Variants in KAZN observed in about 807,000 individuals in gnomAD.
KAZN encodes kazrin.
In KAZN, 40 loss-of-function variants were observed where a neutral mutation model predicts 87.4. The observed-to-expected ratio is 0.46, with a 90% CI of 0.36 to 0.60. The LOEUF is 0.60. Ranked by LOEUF, KAZN falls within the 20% of genes least tolerant of loss-of-function variation. The pLI is 0.00. For missense variants in KAZN, 898 were observed against 1,073.9 expected, an observed-to-expected ratio of 0.84 and a Z score of 2.29; for synonymous variants, 466 against 458.3, an observed-to-expected ratio of 1.02 and a Z score of -0.22.
At chr1:14,459,823 A>G (rs1307012896) in intron 2 of KAZN, among the ~76,000 whole-genome samples, 1 of 152,220 alleles carries the variant, frequency 6.6e-6, no homozygotes, top group Non-Finnish European at 1.5e-5. Flanking sequence ...TCACAATAGA[A>G]AGGAAGAAAG....
At chr1:15,042,021 C>G (rs898899706) in intron 3 of KAZN, among the ~76,000 whole-genome samples, 6 of 152,214 alleles carry the variant, frequency 3.9e-5, no homozygotes, top group African/African-American at 1.2e-4. Context: ...TGCTGCTGAG[C>G]CCAGCTCTCC....
At chr1:14,708,916 G>A (rs1478372898) in intron 1 of KAZN, among the ~76,000 whole-genome samples, 1 of 152,198 alleles carries the variant, frequency 6.6e-6, no homozygotes, top group African/African-American at 2.4e-5. Context: ...AAATAAGCAA[G>A]TCCATGAGTG....
At chr1:14,554,656 T>C (rs894357742) in intron 2 of KAZN, among the ~76,000 whole-genome samples, 1 of 152,236 alleles carries the variant, frequency 6.6e-6, no homozygotes, top group South Asian at 2.1e-4. Flanking sequence ...CTTAGAGATA[T>C]TAATCCGGTA....
chr1:14,387,482 T>C (rs1166022466), intron 2 of KAZN, among the ~76,000 whole-genome samples: 1 of 151,926 alleles, frequency 6.6e-6, no homozygotes, highest in Non-Finnish European at 1.5e-5. Context: ...GATGTACAGA[T>C]GGGTTTTTGG....
chr1:14,141,478 G>A (rs903804200), intron 1 of KAZN, among the ~76,000 whole-genome samples: 3 of 141,854 alleles, frequency 2.1e-5, no homozygotes, highest in East Asian at 2.0e-4. Flanking sequence ...TGTAACGAAC[G>A]GCTCATTTAC....
chr1:13,985,725 C>G, intron 1 of KAZN, among the ~76,000 whole-genome samples: 1 of 151,916 alleles, frequency 6.6e-6, no homozygotes. Context: ...ATCTACCTTT[C>G]ATTTCTATTG....
At chr1:14,354,754 G>C (rs1050368207) in intron 2 of KAZN, among the ~76,000 whole-genome samples, 2 of 151,894 alleles carry the variant, frequency 1.3e-5, no homozygotes, top group Non-Finnish European at 2.9e-5. Context: ...TATATTGTTG[G>C]TGGGAGTATA....
intron 1 of KAZN, among the ~76,000 whole-genome samples, chr1:14,777,002 G>GTGTTT (rs1169928290): frequency 2.0e-5 from 3 of 146,368 alleles, no homozygotes; most frequent in African/African-American, 7.4e-5. Context: ...GTTTTGTTTT[G>GTGTTT]TGTTTTGTTT....
intron 2 of KAZN, among the ~76,000 whole-genome samples, chr1:14,393,535 GAAT>G (rs1662632817): frequency 6.6e-6 from 1 of 152,104 alleles, no homozygotes; most frequent in African/African-American, 2.4e-5. Context: ...ACGCTTTGTA[GAAT>G]AATAGTTCAT....
chr1:14,901,674 A>T (rs1655928315), intron 1 of KAZN, among the ~76,000 whole-genome samples: 1 of 152,196 alleles, frequency 6.6e-6, no homozygotes, highest in Non-Finnish European at 1.5e-5. Context: ...TAAAACAGAC[A>T]GGATTTGCTA....
At chr1:15,003,398 T>TAG (rs1398583581) in intron 2 of KAZN, among the ~76,000 whole-genome samples, 1 of 152,194 alleles carries the variant, frequency 6.6e-6, no homozygotes, top group Non-Finnish European at 1.5e-5. Context: ...ATAGATTCAT[T>TAG]ATCTTGATTG....
rs972520158 is a variant in KAZN at position 14,793,503 on chromosome 1, C to T, written c.227-167181C>T. On this transcript the variant is annotated intron_variant, in intron 1 of 14. Transcript: ENST00000376030. ...TATGGCCCCAAACCAATTCATTCAC[C>T]TCTCTCCCTGTATCTGTTTACCTAG... Among the ~76,000 whole-genome samples the T allele has an allele frequency of 7.2e-5, 11 of 152,198 alleles. 1 individual carries two copies. The highest frequency in any genetic ancestry group is 1.6e-4 in the Non-Finnish European group (11 of 68,030).
chr1:14,517,292 C>T (rs1012918611), intron 2 of KAZN, among the ~76,000 whole-genome samples: 1 of 152,052 alleles, frequency 6.6e-6, no homozygotes, highest in African/African-American at 2.4e-5. Flanking sequence ...TGCTGGTGAT[C>T]ATCTTACCAC....
At chr1:14,703,131 G>T (rs1642021692) in intron 1 of KAZN, among the ~76,000 whole-genome samples, 1 of 152,160 alleles carries the variant, frequency 6.6e-6, no homozygotes, top group African/African-American at 2.4e-5. Context: ...TATATATTGG[G>T]TCTTTGAGAG....
Position 14,991,357 on chromosome 1 carries a change from AAAG to A in KAZN, c.418+30491_418+30493del, listed in dbSNP as rs372867434. On this transcript the variant is annotated intron_variant, in intron 2 of 14. Transcript: ENST00000376030. ...TGACAAAGAGACTCTGTGTCAAAAA[AAAG>A]AAGAAGAAACCAAAACTCACCCAAC... is the stretch of plus-strand genomic sequence containing the variant. 4.3e-3 allele frequency among the ~76,000 whole-genome samples: 659 copies of A among 152,194 alleles called. 6 individuals are homozygous for A. Among genetic ancestry groups the A allele is most frequent in the Middle Eastern group, 0.017 (5 of 294 alleles).
At chr1:14,916,542 T>A (rs1657837842) in intron 1 of KAZN, among the ~76,000 whole-genome samples, 1 of 152,172 alleles carries the variant, frequency 6.6e-6, no homozygotes, top group Non-Finnish European at 1.5e-5. Flanking sequence ...CTACTTGAAC[T>A]CTTCAAAAAG....
intron 1 of KAZN, among the ~76,000 whole-genome samples, chr1:14,113,639 T>C (rs1474281155): frequency 1.3e-5 from 2 of 152,140 alleles, no homozygotes; most frequent in African/African-American, 4.8e-5. Flanking sequence ...AGCTAAGAAA[T>C]GAAAGATCTG....
At chr1:14,249,915 A>C (rs1370091626) in intron 2 of KAZN, among the ~76,000 whole-genome samples, 1 of 152,068 alleles carries the variant, frequency 6.6e-6, no homozygotes, top group East Asian at 1.9e-4. Flanking sequence ...TCTTCTGCCC[A>C]CAGCTGTCCG....
chr1:14,087,151 A>T (rs1375303635), intron 1 of KAZN, among the ~76,000 whole-genome samples: 1 of 152,138 alleles, frequency 6.6e-6, no homozygotes, highest in African/African-American at 2.4e-5. Context: ...CCATTTATTT[A>T]GGTTGTTTTA....
Sources: gnomAD v4.1 joint callset for allele counts (sites outside exome capture counted in the v4.1 genomes callset) on GRCh38, gnomAD v4.1.1 for gene constraint, MANE v1.5 for transcripts, NCBI Gene and HGNC (gene_info 2026-07-23, HGNC 2026-07-21) for gene names.